Variants in PTPRH observed in about 807,000 individuals in gnomAD.
PTPRH encodes the protein protein tyrosine phosphatase receptor type H, also known as receptor-type tyrosine-protein phosphatase H.
Under a neutral mutation model 130.2 loss-of-function variants are expected in PTPRH, and 113 were observed. That is an observed-to-expected ratio of 0.87 (90% CI 0.75 to 1.01). The LOEUF (loss-of-function observed/expected upper bound fraction) is 1.01, where lower values mean the gene tolerates loss of function less well. Among genes scored for constraint, PTPRH ranks in the 50% least tolerant of loss-of-function variants. The pLI is 0.00. For missense variants in PTPRH, 1,430 were observed against 1,425.0 expected, an observed-to-expected ratio of 1.00 and a Z score of -0.06; for synonymous variants, 556 against 577.9, an observed-to-expected ratio of 0.96 and a Z score of 0.54.
At chr19:55,186,392 C>T (rs1032765339) in intron 15 of PTPRH, 33 bp from the exon 16 acceptor site, 2 of 1,612,270 alleles carry the variant, frequency 1.2e-6, no homozygotes, top group Non-Finnish European at 1.7e-6. Context: ...TCAGGGGGGC[C>T]TTTAGTTGAT....
At chr19:55,206,473 G>A (rs1156992733) in intron 3 of PTPRH, among the ~76,000 whole-genome samples, 1 of 147,540 alleles carries the variant, frequency 6.8e-6, no homozygotes, top group Non-Finnish European at 1.5e-5. Flanking sequence ...ACGGGAACAC[G>A]CCACCACAGC....
Position 55,202,165 on chromosome 19 carries a change from G to T in PTPRH, c.1044C>A (p.His348Gln), listed in dbSNP as rs753203738. The change falls in exon 6 of 20, where the codon CAC becomes CAA. Residue 348 changes from histidine to glutamine, a missense_variant. Transcript: ENST00000376350. The stretch of plus-strand genomic sequence containing the variant: ...CAAGTCTATCCACGGTGATGTTGGT[G>T]TGTGCTGTGCTTCGAGTCCCTGCTC... The part of the protein sequence containing the change: ...GGRAGTRSTA[H>Q]TNITVDRLEP... 6.2e-7 allele frequency: 1 copy of T among 1,614,198 alleles called. No homozygotes were observed. Among genetic ancestry groups the T allele is most frequent in the South Asian group, 1.1e-5 (1 of 91,088 alleles).
At chr19:55,191,814 C>A (rs557771478) in intron 10 of PTPRH, 73 bp from the exon 11 acceptor site, 1 of 1,312,862 alleles carries the variant, frequency 7.6e-7, no homozygotes, top group Non-Finnish European at 1.1e-6. Context: ...CCCTGCCCAG[C>A]CTTTCCTCTT....
chr19:55,185,093 C>G (rs2086280552), intron 18 of PTPRH, among the ~76,000 whole-genome samples: 1 of 151,792 alleles, frequency 6.6e-6, no homozygotes, highest in South Asian at 2.1e-4. Flanking sequence ...CTCCCGGGTT[C>G]AAGTGATTCT....
rs547850222 is a variant in PTPRH at position 55,194,162 on chromosome 19, T to C, written c.2257+2360A>G. The C allele has an allele frequency of 1.1e-5, 14 of 1,288,796 alleles. No individual in the cohort carries two copies. In the South Asian group the frequency reaches 1.7e-4, roughly 16 times the overall value. The allele number at this position is 1,288,796 out of a possible 1,614,324, so 79.8% of individuals were successfully genotyped here. On this transcript the variant is annotated intron_variant, in intron 10 of 19. Coordinates refer to ENST00000376350, the MANE Select transcript of PTPRH (RefSeq NM_002842.5). ...ACCGCGCCTGGCTGATCTGGTGGTG[T>C]CTATGGGTGCTCTCAGGCTCTGATG...
At chr19:55,196,006 TG>T (rs2086669497) in intron 10 of PTPRH, among the ~76,000 whole-genome samples, 1 of 151,650 alleles carries the variant, frequency 6.6e-6, no homozygotes, top group Non-Finnish European at 1.5e-5. Flanking sequence ...AGCTTTCTGT[TG>T]GGGGTAATGA....
At chr19:55,186,143 G>A in intron 16 of PTPRH, 82 bp downstream of exon 16, 2 of 1,571,510 alleles carry the variant, frequency 1.3e-6, no homozygotes, top group Non-Finnish European at 1.7e-6. Context: ...AATCCGTAAG[G>A]TCTGGGTGTG....
chr19:55,203,286 C>G (rs2086929241), intron 5 of PTPRH, among the ~76,000 whole-genome samples: 1 of 142,228 alleles, frequency 7.0e-6, no homozygotes, highest in Non-Finnish European at 1.5e-5. Flanking sequence ...AAGATTGCGC[C>G]ACTGCACTCC....
rs756256140 is a variant in PTPRH, at chr19:55,197,006, T to C, written c.1990+111A>G. Reference sequence around the variant, plus strand: ...TGGGCTCCTCCATCACTGCAGCTCATGAAGTCATGGCCTGTGGCCTGATGG... The same window carrying C: ...TGGGCTCCTCCATCACTGCAGCTCACGAAGTCATGGCCTGTGGCCTGATGG... On this transcript the variant is annotated intron_variant, in intron 9 of 19. Transcript: ENST00000376350. 1.9e-5 allele frequency: 27 copies of C among 1,385,860 alleles called. No homozygotes were observed. The Middle Eastern group carries it at 6.6e-4, about 34-fold the overall frequency. 85.8% of individuals were successfully genotyped at this position (1,385,860 alleles called of 1,614,324 possible).
chr19:55,190,153 A>G (rs2086482289), intron 12 of PTPRH, among the ~76,000 whole-genome samples: 1 of 151,762 alleles, frequency 6.6e-6, no homozygotes, highest in African/African-American at 2.4e-5. Flanking sequence ...GGTGGATCAC[A>G]AGGTCAGGAG....
At chr19:55,187,022 GTGA>G in intron 14 of PTPRH, among the ~76,000 whole-genome samples, 1 of 149,504 alleles carries the variant, frequency 6.7e-6, no homozygotes, top group African/African-American at 2.5e-5. Flanking sequence ...TCCAGCCTGG[GTGA>G]CAGCAAGACT....
At position 55,197,172 on chromosome 19, in the gene PTPRH, CA is replaced by C. The variant is rs1600042475; in HGVS notation, c.1934del (p.Val645GlyfsTer8). ...TGGCTACGTCATTCCTCTCTGCCCA[CA>C]CGGTGAAATTGTACAACGTCCCGGG... ...LEPGTLYNFT[V>X]WAERNDVASS... On this transcript the variant is annotated frameshift_variant, in exon 9 of 20. Transcript: ENST00000376350. LOFTEE classifies it high-confidence loss of function. The C allele has an allele frequency of 6.2e-7, 1 of 1,614,264 alleles. No homozygotes were observed. The highest frequency in any genetic ancestry group is 8.5e-7 in the Non-Finnish European group (1 of 1,180,056).
chr19:55,186,640 A>ACAGGCAG (rs1555875420), intron 14 of PTPRH, 100 bp from the exon 15 acceptor site: 31,681 of 1,170,606 alleles, frequency 0.027, 350 homozygotes, highest in Non-Finnish European at 0.031. Context: ...AGACAAGACC[A>ACAGGCAG]AGACCCATGG....
intron 2 of PTPRH, 67 bp downstream of exon 2, chr19:55,207,099 A>G: frequency 1.9e-6 from 3 of 1,602,312 alleles, no homozygotes; most frequent in Non-Finnish European, 2.6e-6. Flanking sequence ...GGGACCCCCC[A>G]GAGGCTCACG....
intron 10 of PTPRH, chr19:55,192,173 T>G (rs1352926882): frequency 2.8e-6 from 1 of 354,934 alleles, no homozygotes; most frequent in African/African-American, 2.1e-5. Flanking sequence ...GAGGCGGAGA[T>G]GGGCACATCA....
chr19:55,181,829 T>C lies in PTPRH; in HGVS notation c.3273A>G (p.Glu1091=). The change falls in exon 20 of 20, where the codon GAA becomes GAG. Residue 1091 remains glutamate, a synonymous_variant. Transcript: ENST00000376350. ...QQSAQAPAEK[E]VPYEDVENLI... ...GGTTTTCGACATCCTCATACGGGAC[T>C]TCCTTCTCGGCTGGGGCCTGGGCTG... The C allele has an allele frequency of 1.2e-6, 2 of 1,614,208 alleles. No individual in the cohort carries two copies. Among genetic ancestry groups the C allele is most frequent in the Non-Finnish European group, 1.7e-6 (2 of 1,180,036 alleles).
rs1474236569 is a variant in PTPRH at position 55,182,157 on chromosome 19, C to T, written c.3063-6G>A. ...CTGTGCGACCCACGCCAGCACTAGG[C>T]AGAACAAGGGAAGGGTCAGACCAAG... On this transcript the variant is annotated splice_polypyrimidine_tract_variant and splice_region_variant and intron_variant, in intron 18 of 19. Transcript: ENST00000376350. 5.0e-6 allele frequency: 8 copies of T among 1,612,908 alleles called. No individual in the cohort carries two copies. Among genetic ancestry groups the T allele is most frequent in the African/African-American group, 1.3e-5 (1 of 74,920 alleles).
At chr19:55,194,786 A>G (rs1159678603) in intron 10 of PTPRH, among the ~76,000 whole-genome samples, 2 of 152,212 alleles carry the variant, frequency 1.3e-5, no homozygotes, top group African/African-American at 4.8e-5. Context: ...AAATAAAAAC[A>G]TACGTCCACA....
At chr19:55,185,709 G>C in intron 17 of PTPRH, 47 bp from the exon 18 acceptor site, 2 of 1,603,632 alleles carry the variant, frequency 1.2e-6, no homozygotes, top group Non-Finnish European at 1.7e-6. Flanking sequence ...ATGTAGGGAG[G>C]ACCTGGCTTC....
Sources: allele counts gnomAD v4.1 joint callset (sites outside exome capture counted in the v4.1 genomes callset), GRCh38; gene constraint gnomAD v4.1.1; transcripts MANE v1.5; gene names NCBI Gene and HGNC (gene_info 2026-07-23, HGNC 2026-07-21).